The following SGK3 variants were observed in gnomAD, a reference collection of about 807,000 sequenced individuals.
The protein encoded by SGK3 is serum/glucocorticoid regulated kinase family member 3, also known as serine/threonine-protein kinase Sgk3.
A neutral mutation model predicts 68.5 loss-of-function variants in SGK3; 47 were observed. That is an observed-to-expected ratio of 0.69 (90% CI 0.54 to 0.87). The LOEUF (loss-of-function observed/expected upper bound fraction) is 0.87, where lower values mean the gene tolerates loss of function less well. SGK3 is among the 40% of genes least tolerant of loss of function. The pLI, the probability that SGK3 is intolerant of heterozygous loss-of-function variation, is 0.00. For synonymous variants in SGK3, 181 were observed against 189.1 expected (o/e 0.96, Z 0.35); for missense variants, 479 against 575.5 (o/e 0.83, Z 1.72).
At chr8:66,729,466 A>T (rs1805079960) in intron 1 of SGK3, among the ~76,000 whole-genome samples, 1 of 145,544 alleles carries the variant, frequency 6.9e-6, no homozygotes, top group Admixed American at 6.7e-5. Context: ...AAAGAAAAGA[A>T]AAAAGAAAAA....
chr8:66,849,853 AT>A (rs1340365019), intron 15 of SGK3, among the ~76,000 whole-genome samples: 2 of 152,162 alleles, frequency 1.3e-5, no homozygotes. Context: ...TGCTGGGATT[AT>A]AGGTGTAAGC....
chr8:66,793,910 C>A, intron 2 of SGK3, 78 bp downstream of exon 2: 2 of 1,432,876 alleles, frequency 1.4e-6, no homozygotes. Context: ...CTTCTCCAAC[C>A]TAGAACACCC....
intron 1 of SGK3, among the ~76,000 whole-genome samples, chr8:66,759,077 C>CT (rs368386931): frequency 0.12 from 17,616 of 147,114 alleles, 2,099 homozygotes; most frequent in African/African-American, 0.3. Context: ...TTTTTCTTTT[C>CT]TTCTTTTTTT....
chr8:66,758,799 C>T lies in SGK3; in HGVS notation c.-121-34817C>T, dbSNP rs1432343374. Among the ~76,000 whole-genome samples, 4 of 151,366 alleles carry T rather than the reference C, an allele frequency of 2.6e-5. No individual in the cohort carries two copies. The East Asian group carries it at 5.9e-4, about 23-fold the overall frequency. ...CCAAGTAGCTGGAACTACCAGCATG[C>T]ACCACCACTAAGGGCTCCATATCAA... On this transcript the variant is annotated intron_variant, in intron 1 of 16. Transcript: ENST00000521198.
In SGK3 at chr8:66,850,937, ATCTT is replaced by A. The variant is rs1300244693; in HGVS notation, c.1320+25_1320+28del. 1 of 1,587,666 alleles carries A rather than the reference ATCTT, an allele frequency of 6.3e-7. No homozygotes were observed. Among genetic ancestry groups the A allele is most frequent in the Non-Finnish European group, 8.6e-7 (1 of 1,168,402 alleles). Reference sequence around the variant, plus strand: ...CCTAATGTGGTAAGTATATATCCAAATCTTTCTTTCTAGAATCGTGAAACTTAAT... The same window carrying A: ...CCTAATGTGGTAAGTATATATCCAAATCTTTCTAGAATCGTGAAACTTAAT... On this transcript the variant is annotated intron_variant, in intron 16 of 16. Coordinates refer to ENST00000521198, the MANE Select transcript of SGK3 (RefSeq NM_001033578.3).
chr8:66,846,226 T>C (rs1051431873), intron 14 of SGK3, among the ~76,000 whole-genome samples: 2 of 152,220 alleles, frequency 1.3e-5, no homozygotes, highest in Non-Finnish European at 1.5e-5. Flanking sequence ...ATTACAACCT[T>C]GCAGATAGAA....
intron 2 of SGK3, among the ~76,000 whole-genome samples, chr8:66,795,241 G>A (rs1807630358): frequency 6.6e-6 from 1 of 152,214 alleles, no homozygotes. Context: ...AGGGAAAGCA[G>A]TCCCTCTGTC....
At chr8:66,803,200 A>G (rs1459140275) in intron 3 of SGK3, among the ~76,000 whole-genome samples, 1 of 152,036 alleles carries the variant, frequency 6.6e-6, no homozygotes, top group South Asian at 2.1e-4. Context: ...CAACAAGGTC[A>G]TTTGTTTACG....
chr8:66,728,783 G>GGTGGT (rs1805052208), intron 1 of SGK3, among the ~76,000 whole-genome samples: 1 of 152,084 alleles, frequency 6.6e-6, no homozygotes, highest in South Asian at 2.1e-4. Flanking sequence ...AGCTGGGTGT[G>GGTGGT]GTGGTGTGTA....
intron 1 of SGK3, among the ~76,000 whole-genome samples, chr8:66,718,023 A>C (rs1255538585): frequency 4.3e-4 from 55 of 127,532 alleles, no homozygotes; most frequent in African/African-American, 1.5e-3. Context: ...TTACCTCCCT[A>C]TTTTTTTTTT....
At chr8:66,751,253 C>T (rs894074403) in intron 1 of SGK3, among the ~76,000 whole-genome samples, 3 of 152,064 alleles carry the variant, frequency 2.0e-5, no homozygotes, top group Admixed American at 6.6e-5. Context: ...TGTGGGAAAG[C>T]GTCTGCTTTT....
rs564512299 is a variant in SGK3 at position 66,813,407 on chromosome 8, A to G, written c.254-446A>G. On this transcript the variant is annotated intron_variant, in intron 4 of 16. Transcript: ENST00000521198. ...GCGATATTCAGTTAACCAATTAATC[A>G]TTATTGCCCAGTTGCAAAGGATTTC... 9.2e-5 allele frequency among the ~76,000 whole-genome samples: 14 copies of G among 152,250 alleles called. No individual in the cohort carries two copies. In the South Asian group the frequency reaches 2.9e-3, roughly 32 times the overall value.
chr8:66,857,799 ATGTGTGTGTGTG>A (rs111758415), intron 16 of SGK3, among the ~76,000 whole-genome samples: 5,300 of 133,806 alleles, frequency 0.04, 106 homozygotes, highest in African/African-American at 0.052. Flanking sequence ...GTGTGTGTGT[ATGTGTGTGTGTG>A]TGTGTGTGTG....
At chr8:66,850,357 AGT>A (rs1431009033) in intron 15 of SGK3, among the ~76,000 whole-genome samples, 1 of 152,164 alleles carries the variant, frequency 6.6e-6, no homozygotes, top group Non-Finnish European at 1.5e-5. Flanking sequence ...ACCAACCCTG[AGT>A]GGGATATTTT....
intron 1 of SGK3, among the ~76,000 whole-genome samples, chr8:66,791,178 C>T (rs1164377951): frequency 3.9e-5 from 6 of 152,124 alleles, no homozygotes; most frequent in Non-Finnish European, 8.8e-5. Flanking sequence ...GGTAGATAAA[C>T]CACTGATGTC....
chr8:66,759,588 C>T (rs1481596976), intron 1 of SGK3, among the ~76,000 whole-genome samples: 4 of 152,088 alleles, frequency 2.6e-5, no homozygotes, highest in African/African-American at 7.2e-5. Context: ...TGCACCACCA[C>T]ACCTAGCTAA....
chr8:66,740,648 T>A (rs1257587617), intron 1 of SGK3, among the ~76,000 whole-genome samples: 1 of 152,212 alleles, frequency 6.6e-6, no homozygotes, highest in African/African-American at 2.4e-5. Context: ...GGCTTACACC[T>A]GTAATCCCAG....
At chr8:66,750,026 G>C (rs1397946082) in intron 1 of SGK3, among the ~76,000 whole-genome samples, 1 of 151,506 alleles carries the variant, frequency 6.6e-6, no homozygotes, top group Non-Finnish European at 1.5e-5. Context: ...TCTTGGGTTT[G>C]GATAAATAAG....
Position 66,806,186 on chromosome 8 carries a change from T to C in SGK3, c.253+1739T>C, listed in dbSNP as rs1422224406. Among the ~76,000 whole-genome samples, 7 of 152,164 alleles carry C rather than the reference T, an allele frequency of 4.6e-5. No individual in the cohort carries two copies. In the East Asian group the frequency reaches 1.2e-3, roughly 25 times the overall value. On this transcript the variant is annotated intron_variant, in intron 4 of 16. Transcript: ENST00000521198. ...TTACATACAGAGTTTTTTTTTTCTC[T>C]CTTTCTTTCTTTTTTTTCCCCCCTT...
Sources: gnomAD v4.1 joint callset for allele counts (sites outside exome capture counted in the v4.1 genomes callset) on GRCh38, gnomAD v4.1.1 for gene constraint, MANE v1.5 for transcripts, NCBI Gene and HGNC (gene_info 2026-07-23, HGNC 2026-07-21) for gene names.